Variants in TTLL5 observed in about 807,000 individuals in gnomAD.
TTLL5 encodes the protein tubulin tyrosine ligase like 5.
In TTLL5, 132 loss-of-function variants were observed where a neutral mutation model predicts 168.4. That is an observed-to-expected ratio of 0.78 (90% CI 0.68 to 0.91). TTLL5 has a LOEUF of 0.91. Ranked by LOEUF, TTLL5 falls within the 40% of genes least tolerant of loss-of-function variation. TTLL5 has a pLI of 0.00. For synonymous variants in TTLL5, 546 were observed against 558.6 expected (o/e 0.98, Z 0.32); for missense variants, 1,545 against 1,581.5 (o/e 0.98, Z 0.39).
Position 75,783,381 on chromosome 14 carries a change from G to C in TTLL5, c.2837G>C (p.Cys946Ser), listed in dbSNP as rs1175617813. 3 of 1,614,122 alleles carry C rather than the reference G, an allele frequency of 1.9e-6. No individual in the cohort carries two copies. Among genetic ancestry groups the C allele is most frequent in the Admixed American group, 3.3e-5 (2 of 60,016 alleles). ...LNTVSASASP[C>S]LHPGAQNIPS... Reference sequence around the variant, plus strand: ...ACAGTCTCTGCCAGTGCTTCTCCCTGCCTACATCCCGGGGCACAGAACATC... The same window carrying C: ...ACAGTCTCTGCCAGTGCTTCTCCCTCCCTACATCCCGGGGCACAGAACATC... Residue 946 changes from cysteine (C) to serine (S), a missense_variant, in exon 26 of 32, where the codon TGC becomes TCC. Cys to Ser is a moderately radical substitution (Grantham distance 112). Coordinates refer to ENST00000298832, the MANE Select transcript of TTLL5 (RefSeq NM_015072.5).
rs936577482 is a variant in TTLL5 at position 75,854,838 on chromosome 14, CAT to C, written c.3327-8828_3327-8827del. Among the ~76,000 whole-genome samples, 76 of 152,196 alleles carry C rather than the reference CAT, an allele frequency of 5.0e-4. 1 individual carries two copies. Among genetic ancestry groups the C allele is most frequent in the African/African-American group, 1.7e-3 (70 of 41,518 alleles). On this transcript the variant is annotated intron_variant, in intron 28 of 31. Transcript: ENST00000298832. ...CAATCTTTTACATGTTCTTAAATCT[CAT>C]TATTTTTGTTATTCATATCAACAGT...
At chr14:75,716,094 C>T (rs1887441934) in intron 9 of TTLL5, among the ~76,000 whole-genome samples, 1 of 152,132 alleles carries the variant, frequency 6.6e-6, no homozygotes, top group Non-Finnish European at 1.5e-5. Context: ...GGCCCCTTTG[C>T]ATCTCACAAG....
At chr14:75,722,148 A>C (rs1887879863) in intron 12 of TTLL5, among the ~76,000 whole-genome samples, 1 of 152,056 alleles carries the variant, frequency 6.6e-6, no homozygotes, top group East Asian at 1.9e-4. Context: ...CCACTGTATG[A>C]GTTCTGCTGT....
At chr14:75,910,640 A>G (rs750561045) in intron 31 of TTLL5, among the ~76,000 whole-genome samples, 4 of 152,234 alleles carry the variant, frequency 2.6e-5, no homozygotes, top group Non-Finnish European at 5.9e-5. Flanking sequence ...GGAAAAAGCA[A>G]GCTTTCCACA....
chr14:75,748,450 T>A (rs2140266246), intron 17 of TTLL5, among the ~76,000 whole-genome samples: 1 of 152,352 alleles, frequency 6.6e-6, no homozygotes, highest in Non-Finnish European at 1.5e-5. Context: ...TTGTTAAGTA[T>A]TTGACTTCTT....
chr14:75,685,648 T>G (rs1432145983), intron 5 of TTLL5, among the ~76,000 whole-genome samples: 1 of 152,180 alleles, frequency 6.6e-6, no homozygotes, highest in Non-Finnish European at 1.5e-5. Flanking sequence ...AAGAATTACC[T>G]AGGGTACTTT....
At chr14:75,722,130 C>T (rs1330906116) in intron 12 of TTLL5, among the ~76,000 whole-genome samples, 1 of 152,156 alleles carries the variant, frequency 6.6e-6, no homozygotes, top group African/African-American at 2.4e-5. Context: ...GCACTCTGTG[C>T]TTTTGTGCCA....
chr14:75,707,150 T>C, intron 8 of TTLL5, 63 bp downstream of exon 8: 1 of 1,266,410 alleles, frequency 7.9e-7, no homozygotes, highest in Non-Finnish European at 1.2e-6. Flanking sequence ...TTTAAGCTTT[T>C]CATAGCCTTC....
intron 12 of TTLL5, among the ~76,000 whole-genome samples, chr14:75,731,830 A>G (rs1235721811): frequency 6.6e-6 from 1 of 152,220 alleles, no homozygotes; most frequent in African/African-American, 2.4e-5. Context: ...CCTAAGTTGC[A>G]AAAGCAATAT....
intron 28 of TTLL5, among the ~76,000 whole-genome samples, chr14:75,834,483 T>A (rs1308555621): frequency 6.6e-6 from 1 of 152,224 alleles, no homozygotes; most frequent in Non-Finnish European, 1.5e-5. Flanking sequence ...TCACTGTCTT[T>A]CCCCTTCCCT....
intron 31 of TTLL5, among the ~76,000 whole-genome samples, chr14:75,923,126 C>G (rs1180985081): frequency 6.6e-6 from 1 of 152,124 alleles, no homozygotes; most frequent in Non-Finnish European, 1.5e-5. Context: ...TGCTAGCAGT[C>G]TGTCAATTTT....
intron 28 of TTLL5, among the ~76,000 whole-genome samples, chr14:75,825,703 T>A (rs1003407638): frequency 6.6e-6 from 1 of 152,178 alleles, no homozygotes; most frequent in Non-Finnish European, 1.5e-5. Context: ...CAGAGTCCTG[T>A]AGAAGTGATA....
Position 75,669,497 on chromosome 14 carries a change from G to A in TTLL5, c.156G>A (p.Lys52=). The A allele has an allele frequency of 1.9e-6, 3 of 1,614,066 alleles. No individual in the cohort carries two copies. Among genetic ancestry groups the A allele is most frequent in the Non-Finnish European group, 2.5e-6 (3 of 1,179,928 alleles). ...TCCATGCCGACGCTATTCTTACAAA[G>A]GACAACAATATTAGAGTAATTGGAG... ...LVFHADAILT[K]DNNIRVIGER... The change falls in exon 3 of 32, where the codon AAG becomes AAA. Residue 52 remains lysine (K), a synonymous_variant. Coordinates refer to ENST00000298832, the MANE Select transcript of TTLL5 (RefSeq NM_015072.5).
chr14:75,948,067 G>A (rs528399646), intron 31 of TTLL5, among the ~76,000 whole-genome samples: 83 of 152,284 alleles, frequency 5.5e-4, no homozygotes, highest in Non-Finnish European at 6.5e-4. Context: ...GGGAGTTGCA[G>A]AAACTACGTA....
intron 3 of TTLL5, among the ~76,000 whole-genome samples, chr14:75,670,080 A>G (rs1432941682): frequency 4.6e-5 from 7 of 152,194 alleles, no homozygotes; most frequent in Non-Finnish European, 8.8e-5. Context: ...GTTGGAGTAT[A>G]TATCAGTCCT....
intron 31 of TTLL5, among the ~76,000 whole-genome samples, chr14:75,953,837 AAAGGG>A (rs2035032173): frequency 6.6e-6 from 1 of 152,196 alleles, no homozygotes; most frequent in East Asian, 1.9e-4. Context: ...TTTAATTTGA[AAAGGG>A]AAAGATAAAG....
At chr14:75,682,569 G>A (rs142000220) in intron 4 of TTLL5, among the ~76,000 whole-genome samples, 1 of 152,150 alleles carries the variant, frequency 6.6e-6, no homozygotes, top group African/African-American at 2.4e-5. Context: ...GGGATGGGTG[G>A]GTGATTGACA....
chr14:75,922,020 C>G (rs141906785), intron 31 of TTLL5, among the ~76,000 whole-genome samples: 2,045 of 152,086 alleles, frequency 0.013, 57 homozygotes, highest in African/African-American at 0.046. Context: ...TGATTTGGCT[C>G]TTTGTTTGTT....
intron 31 of TTLL5, chr14:75,941,553 A>T (rs1429197850): frequency 1.3e-5 from 2 of 152,112 alleles, no homozygotes; most frequent in Non-Finnish European, 2.9e-5. Flanking sequence ...TATTTTTCTT[A>T]TTCACTTCAG....
Sources: gnomAD v4.1 joint callset for allele counts (sites outside exome capture counted in the v4.1 genomes callset) on GRCh38, gnomAD v4.1.1 for gene constraint, MANE v1.5 for transcripts, NCBI Gene and HGNC (gene_info 2026-07-23, HGNC 2026-07-21) for gene names.